Variants in POM121C observed in about 807,000 individuals in gnomAD.
The protein encoded by POM121C is nuclear envelope pore membrane protein POM 121C.
In POM121C, 20 loss-of-function variants were observed where a neutral mutation model predicts 66.4. The ratio of observed to expected loss-of-function variants is 0.30; its 90% CI spans 0.21 to 0.44. POM121C has a LOEUF of 0.44. POM121C is among the 20% of genes least tolerant of loss of function. The pLI is 1.00. For synonymous variants in POM121C, 286 were observed against 528.0 expected (o/e 0.54, Z 6.28); for missense variants, 580 against 1,225.7 (o/e 0.47, Z 7.87).
intron 3 of POM121C, among the ~76,000 whole-genome samples, chr7:75,474,172 T>C (rs2116525730): frequency 6.6e-6 from 1 of 152,092 alleles, no homozygotes; most frequent in Middle Eastern, 3.4e-3. Context: ...GGTGGGTGGA[T>C]CACTTGAGGC....
At position 75,441,537 on chromosome 7, in the gene POM121C, C is replaced by A. The variant is rs1554474006; in HGVS notation, c.-41G>T. 6.2e-7 allele frequency: 1 copy of A among 1,613,726 alleles called. No individual in the cohort carries two copies. Among genetic ancestry groups the A allele is most frequent in the African/African-American group, 1.3e-5 (1 of 75,030 alleles). On this transcript the variant is annotated 5_prime_UTR_variant, in exon 4 of 15. Coordinates refer to ENST00000615331, the MANE Select transcript of POM121C (RefSeq NM_001099415.3). ...GGACAGCACAGCCTTCTTGTGATAA[C>A]CATTCCAGCACACTGTGGGAAGTAC... is the stretch of plus-strand genomic sequence containing the variant.
intron 7 of POM121C, among the ~76,000 whole-genome samples, chr7:75,436,113 G>A (rs1554473006): frequency 6.6e-6 from 1 of 151,360 alleles, no homozygotes; most frequent in Admixed American, 6.6e-5. Flanking sequence ...CATTTTTGGT[G>A]TAATACATAA....
chr7:75,423,630 C>T (rs1292347058), intron 12 of POM121C, among the ~76,000 whole-genome samples: 4 of 151,928 alleles, frequency 2.6e-5, no homozygotes, highest in South Asian at 4.2e-4. Flanking sequence ...GGTGTGCGCG[C>T]GCAGTGCCGT....
chr7:75,472,150 T>C (rs1791905102), intron 3 of POM121C, among the ~76,000 whole-genome samples: 1 of 151,592 alleles, frequency 6.6e-6, no homozygotes, highest in Non-Finnish European at 1.5e-5. Flanking sequence ...CCTCCCAAAG[T>C]GCTGGGATTA....
In POM121C at chr7:75,424,213, T is replaced by C; in HGVS notation, c.884A>G (p.Asn295Ser). 2.5e-6 allele frequency: 4 copies of C among 1,611,478 alleles called. No homozygotes were observed. The highest frequency in any genetic ancestry group is 3.4e-6 in the Non-Finnish European group (4 of 1,179,704). ...ALEDKSDAAS[N>S]SVTETPPTTQ... is the part of the protein sequence containing the mutation. ...GGTAGGTGGGGTCTCAGTGACAGAGTTCGAGGCAGCATCTAAGAAAGAAAG... is the reference window on the plus strand; with the variant it reads ...GGTAGGTGGGGTCTCAGTGACAGAGCTCGAGGCAGCATCTAAGAAAGAAAG... Residue 295 changes from asparagine to serine, a missense_variant, in exon 12 of 15, where the codon AAC (asparagine) becomes AGC (serine). Asn to Ser is a conservative substitution (Grantham distance 46, BLOSUM62 1). Transcript: ENST00000615331.
intron 3 of POM121C, among the ~76,000 whole-genome samples, chr7:75,466,210 A>AT (rs1791641759): frequency 2.5e-5 from 3 of 120,676 alleles, no homozygotes; most frequent in East Asian, 2.3e-3. Context: ...AGAAGAAGCA[A>AT]TAAAAAAAAA....
At chr7:75,448,813 C>A (rs1233449008) in intron 3 of POM121C, among the ~76,000 whole-genome samples, 6 of 151,172 alleles carry the variant, frequency 4.0e-5, no homozygotes, top group South Asian at 2.1e-4. Flanking sequence ...AAAAAAAAAA[C>A]CAAATAATTA....
chr7:75,471,826 C>T (rs1311967975), intron 3 of POM121C, among the ~76,000 whole-genome samples: 2 of 152,148 alleles, frequency 1.3e-5, no homozygotes, highest in Non-Finnish European at 1.5e-5. Flanking sequence ...TATTGCTCAA[C>T]AATGCAAATA....
intron 3 of POM121C, among the ~76,000 whole-genome samples, chr7:75,467,423 T>C (rs1554478015): frequency 6.8e-6 from 1 of 147,900 alleles, no homozygotes; most frequent in African/African-American, 2.5e-5. Flanking sequence ...TCCCAGCTAC[T>C]TGGGAGGCTG....
chr7:75,442,730 C>T (rs1790707817), intron 3 of POM121C: 3 of 1,356,008 alleles, frequency 2.2e-6, no homozygotes, highest in Admixed American at 4.0e-5. Flanking sequence ...CGCGGCTCCG[C>T]GCCGCGGAGG....
At chr7:75,481,030 A>AATATAT (rs201637708) in intron 1 of POM121C, among the ~76,000 whole-genome samples, 9,272 of 136,926 alleles carry the variant, frequency 0.068, 356 homozygotes, top group South Asian at 0.11. Context: ...TAGTTCAAAA[A>AATATAT]ATATATATAT....
At chr7:75,464,946 A>G (rs1343480152) in intron 3 of POM121C, among the ~76,000 whole-genome samples, 25 of 148,222 alleles carry the variant, frequency 1.7e-4, no homozygotes, top group African/African-American at 6.0e-4. Context: ...GATGGAAGAG[A>G]GAGTCATTGA....
chr7:75,473,816 G>T (rs1477281145), intron 3 of POM121C, among the ~76,000 whole-genome samples: 2 of 151,266 alleles, frequency 1.3e-5, no homozygotes, highest in African/African-American at 4.8e-5. Context: ...AGCCTCCCAA[G>T]TAGCTGGGAC....
chr7:75,478,281 T>C (rs1158412334), intron 1 of POM121C, among the ~76,000 whole-genome samples: 3 of 152,164 alleles, frequency 2.0e-5, no homozygotes, highest in African/African-American at 7.2e-5. Context: ...GCAGTGGTTT[T>C]CAAGGCACTG....
intron 8 of POM121C, among the ~76,000 whole-genome samples, 152 bp from the exon 9 acceptor site, chr7:75,425,860 A>T (rs1304937548): frequency 6.6e-6 from 1 of 152,194 alleles, no homozygotes; most frequent in East Asian, 1.9e-4. Flanking sequence ...AGTCAACAGG[A>T]AATTCCAACA....
At chr7:75,463,207 T>C (rs1791506340) in intron 3 of POM121C, among the ~76,000 whole-genome samples, 1 of 152,012 alleles carries the variant, frequency 6.6e-6, no homozygotes, top group Non-Finnish European at 1.5e-5. Flanking sequence ...TAGCCAGGTG[T>C]GGTGACACAA....
chr7:75,431,603 CAAAAAAAA>C (rs71098029), intron 7 of POM121C, among the ~76,000 whole-genome samples: 3 of 50,768 alleles, frequency 5.9e-5, no homozygotes, highest in African/African-American at 9.1e-5. Flanking sequence ...AACTCCGTCT[CAAAAAAAA>C]AAAAAAAAAA....
chr7:75,465,695 G>A (rs1791612046), intron 3 of POM121C, among the ~76,000 whole-genome samples: 1 of 150,012 alleles, frequency 6.7e-6, no homozygotes, highest in Non-Finnish European at 1.5e-5. Context: ...GGAGGTTGCA[G>A]TGAGCCAAGA....
intron 3 of POM121C, among the ~76,000 whole-genome samples, chr7:75,458,089 T>C (rs1554476561): frequency 6.6e-6 from 1 of 152,186 alleles, no homozygotes. Flanking sequence ...AAGCTGCACT[T>C]TTTTTTTCCC....
Sources: allele counts gnomAD v4.1 joint callset (sites outside exome capture counted in the v4.1 genomes callset), GRCh38; gene constraint gnomAD v4.1.1; transcripts MANE v1.5; gene names NCBI Gene and HGNC (gene_info 2026-07-23, HGNC 2026-07-21).